Variants in MTMR14 observed in about 807,000 individuals in gnomAD.
MTMR14 encodes phosphatidylinositol-3,5-bisphosphate 3-phosphatase MTMR14.
Under a neutral mutation model 86.3 loss-of-function variants are expected in MTMR14, and 48 were observed. The ratio of observed to expected loss-of-function variants is 0.56; its 90% CI spans 0.44 to 0.71. The LOEUF (loss-of-function observed/expected upper bound fraction) is 0.71. MTMR14 is among the 30% of genes least tolerant of loss of function. MTMR14 has a pLI of 0.00. For synonymous variants in MTMR14, 366 were observed against 326.1 expected (o/e 1.12, Z -1.32); for missense variants, 780 against 834.6 (o/e 0.93, Z 0.81).
chr3:9,653,374 C>G (rs2047418048), intron 1 of MTMR14, among the ~76,000 whole-genome samples: 1 of 151,924 alleles, frequency 6.6e-6, no homozygotes, highest in South Asian at 2.1e-4. Flanking sequence ...ATCGTCTCCC[C>G]CAAATGCTCA....
At chr3:9,685,321 C>G (rs2075904337) in intron 13 of MTMR14, 74 bp downstream of exon 13, 2 of 1,572,946 alleles carry the variant, frequency 1.3e-6, no homozygotes, top group Non-Finnish European at 1.7e-6. Flanking sequence ...TGTCTGAGTT[C>G]CACGTGTTAG....
chr3:9,686,375 T>C (rs2125290641), intron 13 of MTMR14, among the ~76,000 whole-genome samples: 1 of 152,334 alleles, frequency 6.6e-6, no homozygotes, highest in South Asian at 2.1e-4. Flanking sequence ...CAGATCTGCC[T>C]GCAGAGGGTG....
At chr3:9,674,020 A>G (rs942862153) in intron 7 of MTMR14, among the ~76,000 whole-genome samples, 1 of 152,118 alleles carries the variant, frequency 6.6e-6, no homozygotes, top group African/African-American at 2.4e-5. Context: ...TGATGGGTGT[A>G]TCCTACCTAA....
intron 7 of MTMR14, among the ~76,000 whole-genome samples, chr3:9,676,727 G>A (rs1190839743): frequency 6.6e-6 from 1 of 152,216 alleles, no homozygotes; most frequent in Non-Finnish European, 1.5e-5. Flanking sequence ...TCCTGGTGGA[G>A]TTACTTATGA....
At position 9,688,991 on chromosome 3, in the gene MTMR14, C is replaced by G. The variant is rs370380809; in HGVS notation, c.1342C>G (p.Leu448Val). ...CACCAGCCTTGGCAGCGACTTCTCC[C>G]TGGTCATGGAGAGTTCCCCAGGAGC... ...STTSLGSDFS[L>V]VMESSPGATG... The change falls in exon 16 of 19, where the codon CTG (leucine) becomes GTG (valine). Residue 448 changes from leucine (L) to valine (V), a missense_variant. Transcript: ENST00000296003. 18 of 1,613,990 alleles carry G rather than the reference C, an allele frequency of 1.1e-5. No individual in the cohort carries two copies. Among genetic ancestry groups the G allele is most frequent in the Non-Finnish European group, 1.5e-5 (18 of 1,180,032 alleles).
chr3:9,650,522 A>G (rs1463793424), intron 1 of MTMR14: 1 of 365,762 alleles, frequency 2.7e-6, no homozygotes, highest in Non-Finnish European at 5.6e-6. Context: ...TTGACCTCAG[A>G]GATTACCGTG....
chr3:9,664,897 G>A (rs1472511018), intron 3 of MTMR14, among the ~76,000 whole-genome samples: 2 of 152,150 alleles, frequency 1.3e-5, no homozygotes, highest in Non-Finnish European at 2.9e-5. Flanking sequence ...AAAAATAAGT[G>A]TATAATTGGA....
intron 4 of MTMR14, 127 bp downstream of exon 4, chr3:9,668,921 C>G: frequency 2.1e-6 from 2 of 962,404 alleles, no homozygotes; most frequent in Non-Finnish European, 3.3e-6. Context: ...GAGCGGATCC[C>G]GAGGTCAGGA....
intron 2 of MTMR14, among the ~76,000 whole-genome samples, chr3:9,659,302 A>G (rs1488690576): frequency 2.6e-5 from 4 of 152,238 alleles, no homozygotes; most frequent in African/African-American, 9.6e-5. Context: ...ACAAATGTAA[A>G]TACAGAAGCC....
intron 9 of MTMR14, among the ~76,000 whole-genome samples, chr3:9,682,763 C>G (rs945909361): frequency 6.6e-6 from 1 of 152,202 alleles, no homozygotes; most frequent in African/African-American, 2.4e-5. Context: ...CTTTATGTGG[C>G]CATTTGGAGA....
rs766084870 is a variant in MTMR14 at position 9,689,989 on chromosome 3, CAG to C, written c.1462_1463del (p.Ser488CysfsTer34). On this transcript the variant is annotated frameshift_variant, in exon 17 of 19. Transcript: ENST00000296003. LOFTEE classifies it high-confidence loss of function. ...AWRKSHSSSP[Q>X]SVLWNRPQPS... ...GAGGAAGAGCCACTCATCCTCTCCA[CAG>C]AGTGTCCTCTGGAACCGGCCACAAC... 20 of 1,611,272 alleles carry C rather than the reference CAG, an allele frequency of 1.2e-5. No individual in the cohort carries two copies. Among genetic ancestry groups the C allele is most frequent in the South Asian group, 2.2e-5 (2 of 90,730 alleles).
intron 17 of MTMR14, 41 bp downstream of exon 17, chr3:9,690,184 T>G (rs765964667): frequency 1.2e-6 from 2 of 1,607,444 alleles, no homozygotes; most frequent in South Asian, 2.2e-5. Context: ...AGTGCCTAGC[T>G]TTCCCCCTTA....
At chr3:9,670,863 A>G (rs1018589784) in intron 5 of MTMR14, among the ~76,000 whole-genome samples, 185 bp from the exon 6 acceptor site, 4 of 152,204 alleles carry the variant, frequency 2.6e-5, no homozygotes, top group Non-Finnish European at 4.4e-5. Flanking sequence ...GTAGTCTCTT[A>G]GAAAGTCACC....
At chr3:9,682,805 C>G (rs2125250522) in intron 9 of MTMR14, among the ~76,000 whole-genome samples, 1 of 152,316 alleles carries the variant, frequency 6.6e-6, no homozygotes, top group Non-Finnish European at 1.5e-5. Flanking sequence ...TCTTCGTTTA[C>G]CTTTACTGGC....
Position 9,649,573 on chromosome 3 carries a change from G to A in MTMR14, c.-11G>A, listed in dbSNP as rs2047157806. The A allele has an allele frequency of 6.5e-7, 1 of 1,539,306 alleles. No individual in the cohort carries two copies. Among genetic ancestry groups the A allele is most frequent in the Admixed American group, 2.0e-5 (1 of 49,936 alleles). On this transcript the variant is annotated 5_prime_UTR_variant, in exon 1 of 19. Coordinates refer to ENST00000296003, the MANE Select transcript of MTMR14 (RefSeq NM_001077525.3). ...CGCTTGAGGCACACTGAGGGGACGCGGGGCTGGGCCATGGCCGGCGCTCGG... is the reference window on the plus strand; with the variant it reads ...CGCTTGAGGCACACTGAGGGGACGCAGGGCTGGGCCATGGCCGGCGCTCGG...
intron 17 of MTMR14, among the ~76,000 whole-genome samples, chr3:9,695,515 G>A (rs1021541980): frequency 2.6e-5 from 4 of 152,172 alleles, no homozygotes; most frequent in South Asian, 2.1e-4. Context: ...GTTCTTGGCC[G>A]GTGTTACCTA....
intron 7 of MTMR14, among the ~76,000 whole-genome samples, chr3:9,675,302 G>T (rs2048797613): frequency 6.6e-6 from 1 of 152,162 alleles, no homozygotes; most frequent in Admixed American, 6.5e-5. Flanking sequence ...TTATTTGATA[G>T]ACTTGTGTTC....
chr3:9,688,026 G>A (rs1288668671), intron 14 of MTMR14, 135 bp downstream of exon 14: 9 of 785,278 alleles, frequency 1.1e-5, no homozygotes, highest in African/African-American at 6.8e-5. Flanking sequence ...TCCTGCCTTC[G>A]CTCTGAGGCC....
intron 17 of MTMR14, among the ~76,000 whole-genome samples, chr3:9,692,785 G>A (rs940114694): frequency 1.3e-5 from 2 of 152,214 alleles, no homozygotes; most frequent in African/African-American, 2.4e-5. Flanking sequence ...ACCAACCTCT[G>A]CTGCCCAGTT....
Sources: allele counts gnomAD v4.1 joint callset (sites outside exome capture counted in the v4.1 genomes callset), GRCh38; gene constraint gnomAD v4.1.1; transcripts MANE v1.5; gene names NCBI Gene and HGNC (gene_info 2026-07-23, HGNC 2026-07-21).